Variants in NINL observed in about 807,000 individuals in gnomAD.
NINL encodes the protein ninein like, also known as ninein-like protein.
In NINL, 153 loss-of-function variants were observed where a neutral mutation model predicts 160.3. That is an observed-to-expected ratio of 0.95 (90% confidence interval 0.84 to 1.09). The LOEUF (loss-of-function observed/expected upper bound fraction) is 1.09. NINL is among the 50% of genes least tolerant of loss of function. The pLI, the probability that NINL is intolerant of heterozygous loss-of-function variation, is 0.00. For synonymous variants in NINL, 800 were observed against 734.8 expected (o/e 1.09, Z -1.43); for missense variants, 1,829 against 1,764.0 (o/e 1.04, Z -0.66).
intron 1 of NINL, among the ~76,000 whole-genome samples, chr20:25,541,897 T>C (rs2064669186): frequency 7.9e-5 from 12 of 152,190 alleles, no homozygotes; most frequent in Admixed American, 7.9e-4. Flanking sequence ...GGAGTGACAC[T>C]GTGCACACCA....
intron 13 of NINL, among the ~76,000 whole-genome samples, chr20:25,483,344 AAAAAGAAAAG>A (rs551715962): frequency 1.3e-5 from 2 of 152,076 alleles, no homozygotes; most frequent in South Asian, 2.1e-4. Context: ...ACAAAAAAAA[AAAAAGAAAAG>A]AAAAGAAAAG....
intron 1 of NINL, among the ~76,000 whole-genome samples, chr20:25,578,063 C>T (rs914828071): frequency 3.3e-5 from 5 of 150,520 alleles, no homozygotes; most frequent in African/African-American, 9.8e-5. Flanking sequence ...AACTCTCAAC[C>T]TCAGGTGATC....
intron 17 of NINL, among the ~76,000 whole-genome samples, chr20:25,472,345 ATATATATATATATATATATATAC>A (rs2063120081): frequency 7.3e-6 from 1 of 136,218 alleles, no homozygotes; most frequent in Admixed American, 7.4e-5. Context: ...ATATATATAT[ATATATATATATATATATATATAC>A]TTTTTTTTTG....
intron 1 of NINL, among the ~76,000 whole-genome samples, chr20:25,574,993 C>T (rs145826646): frequency 6.6e-6 from 1 of 151,910 alleles, no homozygotes; most frequent in South Asian, 2.1e-4. Flanking sequence ...TTTAAATGTA[C>T]CCCCAAGTCA....
At chr20:25,484,754 T>C (rs2063474479) in intron 13 of NINL, among the ~76,000 whole-genome samples, 1 of 152,198 alleles carries the variant, frequency 6.6e-6, no homozygotes, top group Admixed American at 6.5e-5. Context: ...GCAACCATCA[T>C]AGTAAAGACT....
Position 25,494,416 on chromosome 20 carries a change from T to C in NINL, c.1310+2247A>G, listed in dbSNP as rs1488811705. Among the ~76,000 whole-genome samples the C allele has an allele frequency of 3.3e-5, 5 of 150,982 alleles. No individual in the cohort carries two copies. The East Asian group carries it at 9.8e-4, about 30-fold the overall frequency. ...CCATGTACACGTACTGCACCACCGC[T>C]GTACCCCACATACCTGAGGTCCCAT... On this transcript the variant is annotated intron_variant, in intron 10 of 23. Transcript: ENST00000278886.
chr20:25,549,464 C>T (rs1340847249), intron 1 of NINL, among the ~76,000 whole-genome samples: 19 of 152,226 alleles, frequency 1.2e-4, no homozygotes, highest in African/African-American at 3.9e-4. Context: ...AATCCAAGCT[C>T]GTCCCAGACA....
At chr20:25,579,008 T>C (rs927846023) in intron 1 of NINL, among the ~76,000 whole-genome samples, 7 of 152,082 alleles carry the variant, frequency 4.6e-5, no homozygotes, top group African/African-American at 1.4e-4. Context: ...AAATGGGACT[T>C]TGAGCTAACA....
At chr20:25,514,824 C>T in intron 3 of NINL, among the ~76,000 whole-genome samples, 1 of 152,220 alleles carries the variant, frequency 6.6e-6, no homozygotes. Context: ...AGCCATAAGC[C>T]TTGGTGACTA....
chr20:25,475,959 G>A (rs1054868243), intron 17 of NINL, 84 bp downstream of exon 17: 2 of 1,396,724 alleles, frequency 1.4e-6, no homozygotes, highest in African/African-American at 2.9e-5. Flanking sequence ...GGGCCACATA[G>A]CACCATTAGC....
At chr20:25,563,799 T>G (rs1696418537) in intron 1 of NINL, among the ~76,000 whole-genome samples, 1 of 152,200 alleles carries the variant, frequency 6.6e-6, no homozygotes, top group African/African-American at 2.4e-5. Flanking sequence ...TAAATAATGA[T>G]TTTTACAAGT....
chr20:25,507,591 T>C (rs1209229006), intron 5 of NINL, among the ~76,000 whole-genome samples: 1 of 152,210 alleles, frequency 6.6e-6, no homozygotes, highest in African/African-American at 2.4e-5. Flanking sequence ...ACACAGACTT[T>C]AGTGTTGCAG....
chr20:25,538,517 G>A (rs773426466), intron 1 of NINL, among the ~76,000 whole-genome samples: 1 of 152,150 alleles, frequency 6.6e-6, no homozygotes, highest in Non-Finnish European at 1.5e-5. Flanking sequence ...TGTAGATGGT[G>A]GGCAGCTCTC....
chr20:25,471,639 G>A (rs938176176), intron 17 of NINL, among the ~76,000 whole-genome samples: 1 of 152,220 alleles, frequency 6.6e-6, no homozygotes, highest in Non-Finnish European at 1.5e-5. Context: ...AAACCAACGC[G>A]TGAGCACTAT....
chr20:25,464,452 C>T (rs2062863035), intron 19 of NINL, among the ~76,000 whole-genome samples: 1 of 151,624 alleles, frequency 6.6e-6, no homozygotes, highest in Non-Finnish European at 1.5e-5. Context: ...AAACACACAA[C>T]AAACTCTTCA....
chr20:25,469,197 C>T (rs74790484), intron 18 of NINL, among the ~76,000 whole-genome samples: 3 of 135,956 alleles, frequency 2.2e-5, no homozygotes, highest in African/African-American at 5.7e-5. Context: ...TTGCCCTGTC[C>T]CCCGACTCTC....
At chr20:25,502,521 G>A (rs967458337) in intron 7 of NINL, among the ~76,000 whole-genome samples, 7 of 152,164 alleles carry the variant, frequency 4.6e-5, no homozygotes, top group Non-Finnish European at 1.0e-4. Context: ...AGACAGACTC[G>A]ATGGATCCTT....
At chr20:25,546,197 G>GAA (rs2064729894) in intron 1 of NINL, among the ~76,000 whole-genome samples, 1 of 152,088 alleles carries the variant, frequency 6.6e-6, no homozygotes, top group South Asian at 2.1e-4. Context: ...ACCTCCTTAA[G>GAA]ATATTTTACA....
At chr20:25,486,253 C>CA (rs1243170243) in intron 13 of NINL, among the ~76,000 whole-genome samples, 1 of 151,324 alleles carries the variant, frequency 6.6e-6, no homozygotes, top group Non-Finnish European at 1.5e-5. Context: ...CAAAAAAATC[C>CA]AAAAAAAGGA....
Sources: gnomAD v4.1 joint callset for allele counts (sites outside exome capture counted in the v4.1 genomes callset) on GRCh38, gnomAD v4.1.1 for gene constraint, MANE v1.5 for transcripts, NCBI Gene and HGNC (gene_info 2026-07-23, HGNC 2026-07-21) for gene names.